WASF1: variants seen among roughly 807,000 people sequenced by gnomAD.
WASF1 encodes WASP family member 1, also known as actin-binding protein WASF1.
In WASF1, 7 loss-of-function variants were observed where a neutral mutation model predicts 50.5. The ratio of observed to expected loss-of-function variants is 0.14; its 90% CI spans 0.08 to 0.26. The LOEUF (loss-of-function observed/expected upper bound fraction) is 0.26. Ranked by LOEUF, WASF1 falls within the 10% of genes least tolerant of loss-of-function variation. The pLI, the probability that WASF1 is intolerant of heterozygous loss-of-function variation, is 1.00. For missense variants in WASF1, 470 were observed against 694.7 expected, an observed-to-expected ratio of 0.68 and a Z score of 3.64; for synonymous variants, 205 against 244.0, an observed-to-expected ratio of 0.84 and a Z score of 1.49.
At chr6:110,152,488 A>G (rs1775868234) in intron 3 of WASF1, among the ~76,000 whole-genome samples, 2 of 152,228 alleles carry the variant, frequency 1.3e-5, no homozygotes, top group African/African-American at 4.8e-5. Flanking sequence ...AATTCACAAT[A>G]CAATGAAGAA....
At chr6:110,168,727 T>C (rs1776575991) in intron 2 of WASF1, among the ~76,000 whole-genome samples, 1 of 152,110 alleles carries the variant, frequency 6.6e-6, no homozygotes, top group Admixed American at 6.6e-5. Context: ...CTTCTACTAC[T>C]AAGCACATCA....
At chr6:110,150,410 T>A (rs1255069486) in intron 3 of WASF1, among the ~76,000 whole-genome samples, 1 of 152,162 alleles carries the variant, frequency 6.6e-6, no homozygotes, top group African/African-American at 2.4e-5. Flanking sequence ...ACCTGTTCTG[T>A]CCAATAAATT....
chr6:110,164,203 G>T (rs894775034), intron 2 of WASF1, among the ~76,000 whole-genome samples: 2 of 151,664 alleles, frequency 1.3e-5, no homozygotes, highest in African/African-American at 4.8e-5. Context: ...TAATTGGTAA[G>T]TTGGACTTCA....
At chr6:110,127,098 G>A (rs1158405683) in intron 4 of WASF1, among the ~76,000 whole-genome samples, 1 of 151,996 alleles carries the variant, frequency 6.6e-6, no homozygotes, top group Non-Finnish European at 1.5e-5. Flanking sequence ...ATAAAGAGAG[G>A]GATACTAGTG....
chr6:110,150,010 C>A (rs1325088132), intron 3 of WASF1, among the ~76,000 whole-genome samples: 1 of 152,130 alleles, frequency 6.6e-6, no homozygotes, highest in African/African-American at 2.4e-5. Context: ...AGCCACTATA[C>A]CTGGCCTTGT....
intron 3 of WASF1, among the ~76,000 whole-genome samples, chr6:110,138,249 C>T (rs1775058818): frequency 6.6e-6 from 1 of 152,230 alleles, no homozygotes; most frequent in African/African-American, 2.4e-5. Context: ...CCACAGGAAC[C>T]AGGGAACACT....
At chr6:110,109,594 C>T (rs1430142293) in intron 5 of WASF1, among the ~76,000 whole-genome samples, 1 of 150,940 alleles carries the variant, frequency 6.6e-6, no homozygotes, top group Non-Finnish European at 1.5e-5. Context: ...CTGTGTCACC[C>T]AGGCTGGAGT....
At chr6:110,130,327 C>G (rs537596886) in intron 3 of WASF1, among the ~76,000 whole-genome samples, 1 of 152,246 alleles carries the variant, frequency 6.6e-6, no homozygotes, top group South Asian at 2.1e-4. Flanking sequence ...CACTTTGGTC[C>G]TCTTCCCATT....
intron 3 of WASF1, among the ~76,000 whole-genome samples, chr6:110,137,277 T>C (rs1305861314): frequency 2.0e-5 from 3 of 152,202 alleles, no homozygotes; most frequent in African/African-American, 7.2e-5. Context: ...GGCATCATCT[T>C]CAATTCTGCC....
At chr6:110,118,336 C>T in intron 4 of WASF1, among the ~76,000 whole-genome samples, 1 of 64,186 alleles carries the variant, frequency 1.6e-5, no homozygotes, top group South Asian at 4.7e-4. Flanking sequence ...ATCTACCAAG[C>T]AAACGGAAAG....
At chr6:110,161,639 T>A (rs1776267013) in intron 2 of WASF1, among the ~76,000 whole-genome samples, 1 of 151,638 alleles carries the variant, frequency 6.6e-6, no homozygotes, top group South Asian at 2.1e-4. Flanking sequence ...TATAGCTTTT[T>A]TAAAAAACTA....
intron 3 of WASF1, among the ~76,000 whole-genome samples, chr6:110,147,906 C>T (rs895922425): frequency 6.6e-6 from 1 of 152,130 alleles, no homozygotes; most frequent in Non-Finnish European, 1.5e-5. Flanking sequence ...GCCAGCACAC[C>T]TGGCTAATTT....
intron 3 of WASF1, among the ~76,000 whole-genome samples, chr6:110,151,046 A>G (rs1266409112): frequency 6.6e-6 from 1 of 152,196 alleles, no homozygotes; most frequent in African/African-American, 2.4e-5. Context: ...TCAAAATAAA[A>G]GAGTAAAAGA....
At position 110,135,168 on chromosome 6, in the gene WASF1, G is replaced by C. The variant is rs146593909; in HGVS notation, c.-28-7539C>G. On this transcript the variant is annotated intron_variant, in intron 3 of 10. Transcript: ENST00000392589. The stretch of plus-strand genomic sequence containing the variant: ...GTTTGAGTTCTGGATTTGATTCTCA[G>C]CTTGGTCACTATTGGTGTATAGCAG... 7.2e-3 allele frequency among the ~76,000 whole-genome samples: 1,090 copies of C among 152,274 alleles called. 7 individuals carry two copies. Among genetic ancestry groups the C allele is most frequent in the Middle Eastern group, 0.017 (5 of 294 alleles).
Position 110,146,212 on chromosome 6 carries a change from A to G in WASF1, c.-29+14423T>C, listed in dbSNP as rs906924827. ...CTAAAGGATTACATTATGTGACCTA[A>G]AGGAACAGGTTAAAATAAGTATTCT... On this transcript the variant is annotated intron_variant, in intron 3 of 10. Transcript: ENST00000392589. Among the ~76,000 whole-genome samples, 336 of 152,354 alleles carry G rather than the reference A, an allele frequency of 2.2e-3. 2 individuals are homozygous for G. The highest frequency in any genetic ancestry group is 7.8e-3 in the African/African-American group (326 of 41,580).
At chr6:110,138,476 G>A (rs557621998) in intron 3 of WASF1, among the ~76,000 whole-genome samples, 11 of 152,326 alleles carry the variant, frequency 7.2e-5, no homozygotes, top group East Asian at 5.8e-4. Context: ...AGCAGGTCCC[G>A]AGTTCTTGTC....
intron 3 of WASF1, among the ~76,000 whole-genome samples, chr6:110,129,296 G>C (rs1457862650): frequency 2.0e-5 from 3 of 151,810 alleles, no homozygotes; most frequent in Non-Finnish European, 4.4e-5. Context: ...CAGAAGTGCA[G>C]CAAAAAACAA....
intron 2 of WASF1, among the ~76,000 whole-genome samples, chr6:110,175,500 C>T (rs959001563): frequency 9.9e-5 from 15 of 151,970 alleles, no homozygotes; most frequent in African/African-American, 2.4e-4. Flanking sequence ...GGGACGTAAG[C>T]GGTAACTTTA....
chr6:110,116,288 T>G (rs1024866550), intron 4 of WASF1, among the ~76,000 whole-genome samples: 6 of 152,110 alleles, frequency 3.9e-5, no homozygotes, highest in African/African-American at 1.4e-4. Flanking sequence ...CAAGGGAAGC[T>G]GTGACAGACT....
Sources: allele counts gnomAD v4.1 joint callset (sites outside exome capture counted in the v4.1 genomes callset), GRCh38; gene constraint gnomAD v4.1.1; transcripts MANE v1.5; gene names NCBI Gene and HGNC (gene_info 2026-07-23, HGNC 2026-07-21).